Variants in TNRC6A observed in about 807,000 individuals in gnomAD.
TNRC6A encodes trinucleotide repeat-containing gene 6A protein.
In TNRC6A, 44 loss-of-function variants were observed where a neutral mutation model predicts 221.2. The ratio of observed to expected loss-of-function variants is 0.20; its 90% CI spans 0.16 to 0.26. The LOEUF (loss-of-function observed/expected upper bound fraction) is 0.26. TNRC6A is among the 10% of genes least tolerant of loss of function. The pLI is 1.00. For synonymous variants in TNRC6A, 847 were observed against 838.5 expected (o/e 1.01, Z -0.18); for missense variants, 2,199 against 2,404.4 (o/e 0.91, Z 1.79).
At chr16:24,780,078 G>C (rs142424056) in intron 5 of TNRC6A, among the ~76,000 whole-genome samples, 216 of 152,238 alleles carry the variant, frequency 1.4e-3, no homozygotes, top group African/African-American at 4.6e-3. Flanking sequence ...GAAGGCTTTG[G>C]GGGGATGACT....
At position 24,781,537 on chromosome 16, in the gene TNRC6A, A is replaced by G. The variant is rs370300066; in HGVS notation, c.589+4179A>G. The stretch of plus-strand genomic sequence containing the variant: ...GAAGTCACTGATCTTCTGAATGTCA[A>G]ATGCAAACCTTTTTGTTCCCTCCCA... On this transcript the variant is annotated intron_variant, in intron 5 of 24. Coordinates refer to ENST00000395799, the MANE Select transcript of TNRC6A (RefSeq NM_014494.4). 5.4e-4 allele frequency among the ~76,000 whole-genome samples: 82 copies of G among 152,252 alleles called. 1 individual carries two copies. In the South Asian group the frequency reaches 0.015, roughly 27 times the overall value.
At chr16:24,787,182 TATG>T (rs1567472428) in intron 5 of TNRC6A, among the ~76,000 whole-genome samples, 1 of 152,210 alleles carries the variant, frequency 6.6e-6, no homozygotes, top group African/African-American at 2.4e-5. Flanking sequence ...ATGCTTTACA[TATG>T]ATGATAAAAT....
intron 2 of TNRC6A, among the ~76,000 whole-genome samples, chr16:24,723,725 T>A (rs923632991): frequency 2.0e-5 from 3 of 146,556 alleles, no homozygotes; most frequent in African/African-American, 7.5e-5. Flanking sequence ...AATACCTAAC[T>A]TTTTTTTTTG....
chr16:24,809,502 C>CAA (rs56154395), intron 18 of TNRC6A, 21 bp downstream of exon 18: 691 of 1,169,842 alleles, frequency 5.9e-4, no homozygotes, highest in South Asian at 2.0e-3. Flanking sequence ...TACATCTTAC[C>CAA]AAAAAAAAAA....
intron 1 of TNRC6A, among the ~76,000 whole-genome samples, chr16:24,626,527 C>G (rs1423017777): frequency 6.6e-6 from 1 of 152,008 alleles, no homozygotes; most frequent in Non-Finnish European, 1.5e-5. Flanking sequence ...CAAGCCTTTT[C>G]CTGCTTGAAC....
Position 24,818,671 on chromosome 16 carries a change from C to G in TNRC6A, c.5051C>G (p.Pro1684Arg). The G allele has an allele frequency of 1.9e-6, 3 of 1,614,184 alleles. No homozygotes were observed. Among genetic ancestry groups the G allele is most frequent in the Non-Finnish European group, 1.7e-6 (2 of 1,180,016 alleles). ...SSIRASNYNV[P>R]LSSTAQSTSA... is the part of the protein sequence containing the mutation. Reference sequence around the variant, plus strand: ...ATTCGTGCCTCCAACTACAACGTTCCCCTCAGCAGTACAGCACAAAGCACT... The same window carrying G: ...ATTCGTGCCTCCAACTACAACGTTCGCCTCAGCAGTACAGCACAAAGCACT... The change falls in exon 21 of 25, where the codon CCC becomes CGC. Residue 1684 changes from proline to arginine, a missense_variant. Physicochemically the swap from Pro to Arg is moderately radical, Grantham distance 103. Transcript: ENST00000395799.
intron 6 of TNRC6A, among the ~76,000 whole-genome samples, chr16:24,793,077 C>T (rs980126572): frequency 6.6e-6 from 1 of 152,192 alleles, no homozygotes; most frequent in African/African-American, 2.4e-5. Context: ...GCATCAGCCA[C>T]TGTACCCAGC....
intron 11 of TNRC6A, among the ~76,000 whole-genome samples, chr16:24,799,202 A>T (rs2058282115): frequency 6.6e-6 from 1 of 152,196 alleles, no homozygotes; most frequent in Non-Finnish European, 1.5e-5. Flanking sequence ...ACAAAATGTC[A>T]GTGCTAGCTG....
chr16:24,653,520 A>T (rs1191457206), intron 2 of TNRC6A, among the ~76,000 whole-genome samples: 3 of 152,214 alleles, frequency 2.0e-5, no homozygotes, highest in African/African-American at 7.2e-5. Context: ...TCATGCCTGT[A>T]ATCCCAGCAC....
chr16:24,652,209 T>TA (rs1418662372), intron 2 of TNRC6A, among the ~76,000 whole-genome samples: 1 of 152,040 alleles, frequency 6.6e-6, no homozygotes, highest in African/African-American at 2.4e-5. Flanking sequence ...TAATTTAGAA[T>TA]AAAAGAACTT....
intron 3 of TNRC6A, among the ~76,000 whole-genome samples, chr16:24,757,240 A>G (rs1237267728): frequency 6.6e-6 from 1 of 152,014 alleles, no homozygotes; most frequent in Non-Finnish European, 1.5e-5. Context: ...GTGGTGGAGC[A>G]AGACTCCCTG....
At chr16:24,665,340 G>A (rs1201082147) in intron 2 of TNRC6A, among the ~76,000 whole-genome samples, 3 of 152,084 alleles carry the variant, frequency 2.0e-5, no homozygotes, top group Non-Finnish European at 4.4e-5. Flanking sequence ...CTCCTAAAGC[G>A]CTGGGATTAC....
chr16:24,699,205 G>A (rs2055921255), intron 2 of TNRC6A, among the ~76,000 whole-genome samples: 5 of 152,168 alleles, frequency 3.3e-5, no homozygotes, highest in Admixed American at 3.3e-4. Context: ...TATGTGCCAT[G>A]AACTGGGGAT....
intron 5 of TNRC6A, among the ~76,000 whole-genome samples, chr16:24,785,444 T>C (rs906577851): frequency 2.6e-5 from 4 of 152,246 alleles, no homozygotes; most frequent in African/African-American, 9.6e-5. Context: ...TTTTGCTAGC[T>C]TTATTCCTGT....
intron 4 of TNRC6A, among the ~76,000 whole-genome samples, chr16:24,767,567 A>G (rs112407658): frequency 1.2e-4 from 19 of 152,298 alleles, no homozygotes; most frequent in East Asian, 3.9e-4. Context: ...ACTAATTGCT[A>G]TGCTGAGAAA....
At chr16:24,742,454 A>G (rs2056912380) in intron 2 of TNRC6A, among the ~76,000 whole-genome samples, 1 of 152,208 alleles carries the variant, frequency 6.6e-6, no homozygotes, top group South Asian at 2.1e-4. Flanking sequence ...TAAGAATTAA[A>G]AGAGTGCATT....
intron 2 of TNRC6A, among the ~76,000 whole-genome samples, chr16:24,711,696 A>G (rs1481705110): frequency 6.6e-6 from 1 of 152,070 alleles, no homozygotes; most frequent in Non-Finnish European, 1.5e-5. Flanking sequence ...ATTCCATTAT[A>G]TGGACCTTTC....
intron 4 of TNRC6A, among the ~76,000 whole-genome samples, chr16:24,765,557 C>T (rs570331151): frequency 9.9e-5 from 15 of 152,120 alleles, no homozygotes; most frequent in African/African-American, 3.1e-4. Context: ...AAATGTGCTA[C>T]GGTGGTTTTT....
intron 2 of TNRC6A, among the ~76,000 whole-genome samples, chr16:24,671,722 A>G (rs2055306832): frequency 6.6e-6 from 1 of 152,284 alleles, no homozygotes; most frequent in South Asian, 2.1e-4. Context: ...AAAAATATCA[A>G]TGTCAGGCCA....
Sources: gnomAD v4.1 joint callset for allele counts (sites outside exome capture counted in the v4.1 genomes callset) on GRCh38, gnomAD v4.1.1 for gene constraint, MANE v1.5 for transcripts, NCBI Gene and HGNC (gene_info 2026-07-23, HGNC 2026-07-21) for gene names.